FAM120B: variants seen among roughly 807,000 people sequenced by gnomAD.
FAM120B encodes constitutive coactivator of peroxisome proliferator-activated receptor gamma.
FAM120B carries 83 observed loss-of-function variants against 96.3 expected under a neutral mutation model. The ratio of observed to expected loss-of-function variants is 0.86; its 90% confidence interval spans 0.72 to 1.03. The LOEUF (loss-of-function observed/expected upper bound fraction) is 1.03. FAM120B is among the 50% of genes least tolerant of loss of function. The pLI is 0.00. For missense variants in FAM120B, 1,027 were observed against 1,121.2 expected (o/e 0.92, Z 1.20); for synonymous variants, 407 against 402.7 (o/e 1.01, Z -0.13).
intron 6 of FAM120B, among the ~76,000 whole-genome samples, chr6:170,383,615 G>A (rs998194614): frequency 1.3e-5 from 2 of 152,200 alleles, no homozygotes; most frequent in African/African-American, 4.8e-5. Flanking sequence ...ACACGGATTA[G>A]AGCAGCTAAA....
intron 5 of FAM120B, among the ~76,000 whole-genome samples, chr6:170,353,139 T>A (rs1215234274): frequency 1.3e-5 from 2 of 152,156 alleles, no homozygotes; most frequent in Non-Finnish European, 2.9e-5. Context: ...ATTGATAAAT[T>A]CCTGCACACA....
intron 8 of FAM120B, among the ~76,000 whole-genome samples, chr6:170,395,108 C>G (rs7738104): frequency 0.58 from 88,919 of 152,048 alleles, 27,034 homozygotes; most frequent in Non-Finnish European, 0.65. Context: ...TCACAAGTCC[C>G]AGAAGTGCTG....
chr6:170,338,313 T>C (rs1786576567), intron 4 of FAM120B, among the ~76,000 whole-genome samples: 1 of 152,264 alleles, frequency 6.6e-6, no homozygotes, highest in Non-Finnish European at 1.5e-5. Flanking sequence ...AGGAGCAGGC[T>C]GCTCGGTTTC....
rs540088435 is a variant in FAM120B, at chr6:170,363,343, C to T, written c.2283+5025C>T. Among the ~76,000 whole-genome samples the T allele has an allele frequency of 6.6e-6, 1 of 152,338 alleles. No homozygotes were observed. The highest frequency in any genetic ancestry group is 6.5e-5 in the Admixed American group (1 of 15,310). Reference sequence around the variant, plus strand: ...TAAAATTTTACTATAAAATTCAAGCCATCTTCTTAAGATTCCCCTGCATGT... The same window carrying T: ...TAAAATTTTACTATAAAATTCAAGCTATCTTCTTAAGATTCCCCTGCATGT... On this transcript the variant is annotated intron_variant, in intron 6 of 10. Coordinates refer to ENST00000476287, the MANE Select transcript of FAM120B (RefSeq NM_032448.3). The surrounding 1 kb of genome is among the most constrained non-coding windows in gnomAD (Gnocchi z 4.5).
At chr6:170,344,047 A>T (rs13212592) in intron 4 of FAM120B, among the ~76,000 whole-genome samples, 56 of 121,124 alleles carry the variant, frequency 4.6e-4, no homozygotes, top group Middle Eastern at 4.9e-3. Flanking sequence ...CTAGCCTCTC[A>T]CTGGTTCCTG....
intron 6 of FAM120B, among the ~76,000 whole-genome samples, chr6:170,382,978 C>T (rs1789997546): frequency 6.6e-6 from 1 of 151,772 alleles, no homozygotes; most frequent in Non-Finnish European, 1.5e-5. Context: ...AATAGAGAAC[C>T]CAGACATAGA....
At chr6:170,331,574 A>G (rs1371870350) in intron 4 of FAM120B, among the ~76,000 whole-genome samples, 3 of 152,214 alleles carry the variant, frequency 2.0e-5, no homozygotes, top group Admixed American at 6.5e-5. Flanking sequence ...TTTTTAAAGG[A>G]TAGCCAAAAT....
At chr6:170,316,411 C>G (rs771104181) in intron 1 of FAM120B, among the ~76,000 whole-genome samples, 1 of 151,656 alleles carries the variant, frequency 6.6e-6, no homozygotes, top group African/African-American at 2.4e-5. Context: ...TTAAAGAAAA[C>G]TATAGTGGAA....
chr6:170,317,894 C>T lies in FAM120B; in HGVS notation c.504C>T (p.Leu168=). Residue 168 remains leucine, a synonymous_variant, in exon 2 of 11, where the codon CTC becomes CTT. Coordinates refer to ENST00000476287, the MANE Select transcript of FAM120B (RefSeq NM_032448.3). ...ATTATGAGGTAGCTTCCTATGGCCT[C>T]CAGCATAACTGTCTTGGGATTCTGG... is the stretch of plus-strand genomic sequence containing the variant. ...EADYEVASYG[L]QHNCLGILGE... is the part of the protein sequence containing the mutation. 1.2e-6 allele frequency: 2 copies of T among 1,614,188 alleles called. No individual in the cohort carries two copies. The highest frequency in any genetic ancestry group is 1.7e-6 in the Non-Finnish European group (2 of 1,180,018).
chr6:170,387,607 A>G (rs1045980137), intron 6 of FAM120B, among the ~76,000 whole-genome samples: 1 of 152,230 alleles, frequency 6.6e-6, no homozygotes, highest in Non-Finnish European at 1.5e-5. Context: ...AGAATGTTGG[A>G]CATCAAGGTA....
At chr6:170,382,219 A>C (rs1230489982) in intron 6 of FAM120B, among the ~76,000 whole-genome samples, 4 of 152,150 alleles carry the variant, frequency 2.6e-5, no homozygotes, top group Non-Finnish European at 5.9e-5. Flanking sequence ...CAAGAAGTTC[A>C]AGACCAGCCT....
At chr6:170,306,310 C>G (rs377112288), upstream of FAM120B, among the ~76,000 whole-genome samples, 1,882 of 152,214 alleles carry the variant, frequency 0.012, 17 homozygotes, top group Middle Eastern at 0.031. Context: ...CCCCGCTGTC[C>G]CCGTTTCCGG....
At chr6:170,314,730 C>G (rs1784790334) in intron 1 of FAM120B, among the ~76,000 whole-genome samples, 1 of 152,192 alleles carries the variant, frequency 6.6e-6, no homozygotes, top group South Asian at 2.1e-4. Context: ...TCTTTTTATA[C>G]ATTTTATTCC....
intron 4 of FAM120B, among the ~76,000 whole-genome samples, chr6:170,331,011 G>T (rs904635548): frequency 9.9e-5 from 15 of 152,204 alleles, no homozygotes; most frequent in African/African-American, 3.6e-4. Context: ...ACCAGAAAGA[G>T]AAGATAAAGG....
Position 170,340,266 on chromosome 6 carries a change from A to T in FAM120B, c.2018-7885A>T, listed in dbSNP as rs144440139. Among the ~76,000 whole-genome samples the T allele has an allele frequency of 0.01, 1,565 of 152,174 alleles. 67 individuals are homozygous for T. The East Asian group carries it at 0.1, about 10-fold the overall frequency. On this transcript the variant is annotated intron_variant, in intron 4 of 10. Coordinates refer to ENST00000476287, the MANE Select transcript of FAM120B (RefSeq NM_032448.3). The stretch of plus-strand genomic sequence containing the variant: ...ATCTTCAATCTGTGATATCCTTTCT[A>T]ACACTTGATTGATTTGGCTATTGAT...
rs150892237 is a variant in FAM120B, at chr6:170,400,731, A to G, written c.2693-3819A>G. Among the ~76,000 whole-genome samples the G allele has an allele frequency of 5.0e-4, 76 of 152,362 alleles. 1 individual carries two copies. Among genetic ancestry groups the G allele is most frequent in the African/African-American group, 1.8e-3 (74 of 41,590 alleles). On this transcript the variant is annotated intron_variant, in intron 9 of 10. Coordinates refer to ENST00000476287, the MANE Select transcript of FAM120B (RefSeq NM_032448.3). ...TATTTATGTCAAACTATTTTGTTAA[A>G]GAGTTTTTTCTGTTAAAAATAAAGC...
intron 9 of FAM120B, among the ~76,000 whole-genome samples, chr6:170,400,779 C>T (rs917555958): frequency 1.2e-4 from 19 of 152,320 alleles, no homozygotes; most frequent in African/African-American, 4.6e-4. Flanking sequence ...ACCTCAGTAT[C>T]GCTGTTCTTG....
At chr6:170,398,848 T>C (rs528663942) in intron 9 of FAM120B, among the ~76,000 whole-genome samples, 2 of 151,106 alleles carry the variant, frequency 1.3e-5, no homozygotes, top group African/African-American at 2.4e-5. Context: ...ATGTCATAAC[T>C]CTTAGAAGTG....
At chr6:170,343,771 A>G (rs1786992657) in intron 4 of FAM120B, among the ~76,000 whole-genome samples, 1 of 152,134 alleles carries the variant, frequency 6.6e-6, no homozygotes, top group Admixed American at 6.5e-5. Flanking sequence ...GAGTTCCCAG[A>G]TGATACTAAG....
Sources: gnomAD v4.1 joint callset for allele counts (sites outside exome capture counted in the v4.1 genomes callset) on GRCh38, gnomAD v4.1.1 for gene constraint, Gnocchi (gnomAD v3.1) non-coding constraint, MANE v1.5 for transcripts, NCBI Gene and HGNC (gene_info 2026-07-23, HGNC 2026-07-21) for gene names.